PLCB3: variants seen among roughly 807,000 people sequenced by gnomAD.
The protein encoded by PLCB3 is 1-phosphatidylinositol 4,5-bisphosphate phosphodiesterase beta-3.
Under a neutral mutation model 152.1 loss-of-function variants are expected in PLCB3, and 54 were observed. The ratio of observed to expected loss-of-function variants is 0.36; its 90% CI spans 0.29 to 0.45. The LOEUF is 0.45. PLCB3 is among the 20% of genes least tolerant of loss of function. The pLI is 1.00. For missense variants in PLCB3, 1,248 were observed against 1,687.5 expected (o/e 0.74, Z 4.56); for synonymous variants, 717 against 698.7 (o/e 1.03, Z -0.41).
At position 64,263,703 on chromosome 11, in the gene PLCB3, T is replaced by G; in HGVS notation, c.2468T>G (p.Val823Gly). 2.5e-6 allele frequency: 4 copies of G among 1,613,482 alleles called. No individual in the cohort carries two copies. The highest frequency in any genetic ancestry group is 3.4e-6 in the Non-Finnish European group (4 of 1,179,916). ...VSAIRSGYHY[V>G]CLRNEANQPL... is the part of the protein sequence containing the mutation. Reference sequence around the variant, plus strand: ...CCTGACCACCCAGGATACCACTACGTCTGCCTGCGGAACGAGGCCAACCAA... The same window carrying G: ...CCTGACCACCCAGGATACCACTACGGCTGCCTGCGGAACGAGGCCAACCAA... The change falls in exon 21 of 31, where the codon GTC becomes GGC. Residue 823 changes from valine (V) to glycine (G), a missense_variant. Around this residue, in one of 6 missense-constraint regions of PLCB3, gnomAD observed 244 missense variants for 424.4 expected, o/e 0.57. Coordinates refer to ENST00000279230, the MANE Select transcript of PLCB3 (RefSeq NM_000932.5).
At position 64,265,518 on chromosome 11, in the gene PLCB3, G is replaced by T; in HGVS notation, c.3035+16G>T. The stretch of plus-strand genomic sequence containing the variant: ...CAGGTGCCCTGTGAGTGTCTGGGCC[G>T]CCTGTGTGCTATGTGTGCTGGGTGT... On this transcript the variant is annotated intron_variant, in intron 25 of 30. Coordinates refer to ENST00000279230, the MANE Select transcript of PLCB3 (RefSeq NM_000932.5). The T allele has an allele frequency of 1.3e-6, 2 of 1,586,368 alleles. No individual in the cohort carries two copies. The highest frequency in any genetic ancestry group is 1.1e-5 in the South Asian group (1 of 89,534).
At chr11:64,259,531 C>T (rs996290293) in intron 13 of PLCB3, among the ~76,000 whole-genome samples, 12 of 152,166 alleles carry the variant, frequency 7.9e-5, no homozygotes, top group Admixed American at 7.2e-4. Context: ...GAAGGCTGAC[C>T]TCTGACCTCA....
At position 64,262,785 on chromosome 11, in the gene PLCB3, G is replaced by A. The variant is rs766440947; in HGVS notation, c.2332G>A (p.Glu778Lys). ...QGNSFNPVWD[E>K]EPFDFPKVVL... ...GAACTCGTTCAACCCCGTGTGGGAC[G>A]AAGAGCCCTTCGACTTCCCCAAGGT... Residue 778 changes from glutamate to lysine, a missense_variant, in exon 19 of 31, where the codon GAA (glutamate) becomes AAA (lysine). Glu to Lys is a moderately conservative substitution (Grantham distance 56, BLOSUM62 1). Coordinates refer to ENST00000279230, the MANE Select transcript of PLCB3 (RefSeq NM_000932.5). 1.9e-6 allele frequency: 3 copies of A among 1,613,638 alleles called. No homozygotes were observed. Among genetic ancestry groups the A allele is most frequent in the African/African-American group, 2.7e-5 (2 of 75,054 alleles).
At chr11:64,251,893 C>G (rs923226002) in intron 1 of PLCB3, 145 bp downstream of exon 1, 8 of 444,818 alleles carry the variant, frequency 1.8e-5, no homozygotes, top group Non-Finnish European at 3.2e-5. Context: ...ACTTAAGTCC[C>G]CGATCGTCTC....
intron 1 of PLCB3, among the ~76,000 whole-genome samples, chr11:64,252,080 G>C (rs962236733): frequency 8.6e-5 from 13 of 152,044 alleles, no homozygotes; most frequent in African/African-American, 2.9e-4. Context: ...CTGGTGCCCA[G>C]ACCCCTGCCC....
rs772281635 is a variant in PLCB3, at chr11:64,263,761, C to T, written c.2526C>T (p.Thr842=). 31 of 1,613,318 alleles carry T rather than the reference C, an allele frequency of 1.9e-5. No individual in the cohort carries two copies. The highest frequency in any genetic ancestry group is 1.6e-4 in the Middle Eastern group (1 of 6,084). The part of the protein sequence containing the change: ...PLCLPALLIY[T]EASDYIPDDH... Reference sequence around the variant, plus strand: ...GCCTGCCGGCCCTGCTCATCTACACCGAAGCCTCGGACTACATTCCTGACG... The same window carrying T: ...GCCTGCCGGCCCTGCTCATCTACACTGAAGCCTCGGACTACATTCCTGACG... The change falls in exon 21 of 31, where the codon ACC becomes ACT. Residue 842 remains threonine, a synonymous_variant. Coordinates refer to ENST00000279230, the MANE Select transcript of PLCB3 (RefSeq NM_000932.5).
chr11:64,263,627 AGCGG>A, intron 20 of PLCB3, 30 bp downstream of exon 20: 1 of 1,606,652 alleles, frequency 6.2e-7, no homozygotes, highest in South Asian at 1.1e-5. Flanking sequence ...TGGGCAGCAC[AGCGG>A]GCAGTGGGTA....
rs2031977477 is a variant in PLCB3, at chr11:64,263,814, G to A, written c.2560+19G>A. On this transcript the variant is annotated intron_variant, in intron 21 of 30. Transcript: ENST00000279230. ...CACCAGGGTGAGCTGGGGGTGGGCG[G>A]GGCCTGCCTGGCCAGGGAGTGTGAG... The A allele has an allele frequency of 1.3e-6, 2 of 1,594,922 alleles. No individual in the cohort carries two copies. Among genetic ancestry groups the A allele is most frequent in the East Asian group, 4.5e-5 (2 of 44,834 alleles).
At position 64,266,617 on chromosome 11, in the gene PLCB3, C is replaced by T. The variant is rs373510708; in HGVS notation, c.3414+65C>T. ...CCTTCACTCATCAGACACCCATCTC[C>T]ATGCCTGGCCTGGTGCCACGTTGCC... On this transcript the variant is annotated intron_variant, in intron 29 of 30. Transcript: ENST00000279230. This position sits in a 1 kb window ranked among gnomAD's most constrained non-coding sequence, Gnocchi z 4.9. 44 of 1,496,526 alleles carry T rather than the reference C, an allele frequency of 2.9e-5. No individual in the cohort carries two copies. In the African/African-American group the frequency reaches 5.5e-4, roughly 19 times the overall value. 92.7% of individuals were successfully genotyped at this position (1,496,526 alleles called of 1,614,324 possible).
chr11:64,258,403 C>A lies in PLCB3; in HGVS notation c.1013-70C>A. 3 of 1,551,564 alleles carry A rather than the reference C, an allele frequency of 1.9e-6. No homozygotes were observed. The highest frequency in any genetic ancestry group is 2.6e-6 in the Non-Finnish European group (3 of 1,148,306). ...TCTGCAAATCCAGCATGTCCTGGTT[C>A]CAGGTGGGGCCGGGGTGGTGAGGAG... is the stretch of plus-strand genomic sequence containing the variant. On this transcript the variant is annotated intron_variant, in intron 10 of 30. Coordinates refer to ENST00000279230, the MANE Select transcript of PLCB3 (RefSeq NM_000932.5). This position sits in a 1 kb window ranked among gnomAD's most constrained non-coding sequence, Gnocchi z 7.2.
intron 1 of PLCB3, among the ~76,000 whole-genome samples, chr11:64,252,891 G>A (rs2031309170): frequency 6.6e-6 from 1 of 152,180 alleles, no homozygotes; most frequent in South Asian, 2.1e-4. Context: ...GACCCCTGGG[G>A]AGAGGTGGGA....
In PLCB3 at chr11:64,258,663, C is replaced by A; in HGVS notation, c.1203C>A (p.Phe401Leu). The A allele has an allele frequency of 6.2e-7, 1 of 1,614,076 alleles. No homozygotes were observed. The highest frequency in any genetic ancestry group is 8.5e-7 in the Non-Finnish European group (1 of 1,180,016). ...TGGAGGCCATTGCCGAGACTGCCTT[C>A]AAGACCTCGCCCTACCCCGTCATCC... is the stretch of plus-strand genomic sequence containing the variant. Reference protein sequence around the residue: ...DVLEAIAETAFKTSPYPVILS... With the variant: ...DVLEAIAETALKTSPYPVILS... The change falls in exon 11 of 31, where the codon TTC becomes TTA. Residue 401 changes from phenylalanine (F) to leucine (L), a missense_variant. Transcript: ENST00000279230. This position sits in a 1 kb window ranked among gnomAD's most constrained non-coding sequence, Gnocchi z 7.2.
At chr11:64,269,322 G>A (rs561213797), downstream of PLCB3, among the ~76,000 whole-genome samples, 23 of 152,358 alleles carry the variant, frequency 1.5e-4, no homozygotes, top group African/African-American at 5.3e-4. Context: ...CAGGGCCGTG[G>A]CGCAATGCAT....
At position 64,258,566 on chromosome 11, in the gene PLCB3, G is replaced by A; in HGVS notation, c.1106G>A (p.Arg369Gln). ...RCVELDVWKG[R>Q]PPEEEPFITH... ...GTGGAGCTGGACGTGTGGAAGGGAC[G>A]GCCGCCTGAGGAGGAACCCTTCATT... Residue 369 changes from arginine to glutamine, a missense_variant, in exon 11 of 31, where the codon CGG becomes CAG. Transcript: ENST00000279230. This position sits in a 1 kb window ranked among gnomAD's most constrained non-coding sequence, Gnocchi z 7.2. 2.5e-6 allele frequency: 4 copies of A among 1,613,948 alleles called. No homozygotes were observed. Among genetic ancestry groups the A allele is most frequent in the African/African-American group, 1.3e-5 (1 of 75,040 alleles).
rs561312676 is a variant in PLCB3 at position 64,258,630 on chromosome 11, C to A, written c.1170C>A (p.Arg390=). The A allele has an allele frequency of 6.2e-7, 1 of 1,614,008 alleles. No individual in the cohort carries two copies. The highest frequency in any genetic ancestry group is 1.7e-5 in the Admixed American group (1 of 60,026). Residue 390 remains arginine, a synonymous_variant, in exon 11 of 31, where the codon CGC becomes CGA. Coordinates refer to ENST00000279230, the MANE Select transcript of PLCB3 (RefSeq NM_000932.5). The surrounding 1 kb of genome is among the most constrained non-coding windows in gnomAD (Gnocchi z 7.2). Reference sequence around the variant, plus strand: ...CCATGACCACAGAGGTGCCTCTGCGCGACGTGCTGGAGGCCATTGCCGAGA... The same window carrying A: ...CCATGACCACAGAGGTGCCTCTGCGAGACGTGCTGGAGGCCATTGCCGAGA... ...GFTMTTEVPL[R]DVLEAIAETA... is the part of the protein sequence containing the mutation.
rs1242860582 is a variant in PLCB3, at chr11:64,265,930, A to C, written c.3080A>C (p.Glu1027Ala). 1 of 1,613,504 alleles carries C rather than the reference A, an allele frequency of 6.2e-7. No individual in the cohort carries two copies. Among genetic ancestry groups the C allele is most frequent in the Non-Finnish European group, 8.5e-7 (1 of 1,180,008 alleles). ...GAGGACACGAAGGAGGGGGAGGACG[A>C]GGCAAAGCGGTATCAGGAGTTCCAG... is the stretch of plus-strand genomic sequence containing the variant. ...DVEDTKEGED[E>A]AKRYQEFQNR... is the part of the protein sequence containing the mutation. Residue 1027 changes from glutamate (E) to alanine (A), a missense_variant, in exon 26 of 31, where the codon GAG (glutamate) becomes GCG (alanine). Glu to Ala is a moderately radical substitution (Grantham distance 107, BLOSUM62 -1). Transcript: ENST00000279230.
intron 16 of PLCB3, 71 bp from the exon 17 acceptor site, chr11:64,261,881 G>A: frequency 6.3e-7 from 1 of 1,598,676 alleles, no homozygotes; most frequent in South Asian, 1.1e-5. Context: ...AGGAGCACCT[G>A]GCTGAGGCCG....
Position 64,263,754 on chromosome 11 carries a change from T to C in PLCB3, c.2519T>C (p.Ile840Thr). 1.9e-6 allele frequency: 3 copies of C among 1,613,524 alleles called. No individual in the cohort carries two copies. The highest frequency in any genetic ancestry group is 2.5e-6 in the Non-Finnish European group (3 of 1,179,946). Residue 840 changes from isoleucine (I) to threonine (T), a missense_variant, in exon 21 of 31, where the codon ATC becomes ACC. By Grantham distance (89) the Ile-to-Thr change is moderately conservative (BLOSUM62 -1). Around this residue, in one of 6 missense-constraint regions of PLCB3, gnomAD observed 244 missense variants for 424.4 expected, o/e 0.57. Coordinates refer to ENST00000279230, the MANE Select transcript of PLCB3 (RefSeq NM_000932.5). Reference protein sequence around the residue: ...NQPLCLPALLIYTEASDYIPD... With the variant: ...NQPLCLPALLTYTEASDYIPD... ...CCGCTGTGCCTGCCGGCCCTGCTCA[T>C]CTACACCGAAGCCTCGGACTACATT...
intron 22 of PLCB3, 128 bp from the exon 23 acceptor site, chr11:64,264,823 G>A (rs539209569): frequency 1.9e-5 from 15 of 785,640 alleles, no homozygotes; most frequent in African/African-American, 1.7e-4. Flanking sequence ...CTGTTACAGA[G>A]CAGTCCAGCA....
Sources: gnomAD v4.1 joint callset for allele counts (sites outside exome capture counted in the v4.1 genomes callset) on GRCh38, gnomAD v4.1.1 for gene constraint, gnomAD v4.1.1 regional missense constraint, Gnocchi (gnomAD v3.1) non-coding constraint, MANE v1.5 for transcripts, NCBI Gene and HGNC (gene_info 2026-07-23, HGNC 2026-07-21) for gene names.